CPT1A: variants seen among roughly 807,000 people sequenced by gnomAD.
CPT1A encodes the protein carnitine O-palmitoyltransferase 1, liver isoform.
CPT1A carries 64 observed loss-of-function variants against 100.8 expected under a neutral mutation model. The ratio of observed to expected loss-of-function variants is 0.63; its 90% CI spans 0.52 to 0.78. The LOEUF is 0.78. Ranked by LOEUF, CPT1A falls within the 30% of genes least tolerant of loss-of-function variation. CPT1A has a pLI of 0.00. For missense variants in CPT1A, 802 were observed against 1,034.1 expected, an observed-to-expected ratio of 0.78 and a Z score of 3.08; for synonymous variants, 363 against 396.0, an observed-to-expected ratio of 0.92 and a Z score of 0.99.
At chr11:68,768,698 G>A (rs138932390) in intron 14 of CPT1A, among the ~76,000 whole-genome samples, 66 of 152,190 alleles carry the variant, frequency 4.3e-4, no homozygotes, top group African/African-American at 1.1e-3. Flanking sequence ...GAGCCACTGC[G>A]CCTGGCCAGA....
chr11:68,837,624 A>G (rs1328771597), intron 1 of CPT1A, among the ~76,000 whole-genome samples: 6 of 152,116 alleles, frequency 3.9e-5, no homozygotes, highest in Non-Finnish European at 8.8e-5. Flanking sequence ...TTCCCATAAC[A>G]CAAACAGGAA....
At chr11:68,785,303 G>A (rs761900747) in intron 9 of CPT1A, among the ~76,000 whole-genome samples, 1 of 152,020 alleles carries the variant, frequency 6.6e-6, no homozygotes, top group Non-Finnish European at 1.5e-5. Context: ...GGTGGCTCAC[G>A]CCTGTAATCC....
chr11:68,760,912 T>C (rs1195167612), intron 16 of CPT1A, among the ~76,000 whole-genome samples: 1 of 151,740 alleles, frequency 6.6e-6, no homozygotes, highest in African/African-American at 2.4e-5. Context: ...TCCCAGCTAC[T>C]TGGGAGGCTG....
chr11:68,782,480 T>C (rs1181353356), intron 10 of CPT1A, among the ~76,000 whole-genome samples: 1 of 152,212 alleles, frequency 6.6e-6, no homozygotes, highest in Non-Finnish European at 1.5e-5. Context: ...TCACAGCTAT[T>C]TTGAGGCAGA....
chr11:68,760,491 G>C (rs1278050406), intron 16 of CPT1A, among the ~76,000 whole-genome samples, 153 bp from the exon 17 acceptor site: 1 of 146,964 alleles, frequency 6.8e-6, no homozygotes, highest in Non-Finnish European at 1.5e-5. Context: ...CTTGGGCAGC[G>C]TATCTGCAGA....
intron 14 of CPT1A, among the ~76,000 whole-genome samples, chr11:68,771,186 C>A (rs1202489987): frequency 6.6e-6 from 1 of 152,176 alleles, no homozygotes; most frequent in Non-Finnish European, 1.5e-5. Context: ...GGTCCCTGGA[C>A]CAGAGGCCTT....
Position 68,784,761 on chromosome 11 carries a change from G to C in CPT1A, c.1163+54C>G, listed in dbSNP as rs931905401. The C allele has an allele frequency of 1.6e-5, 24 of 1,546,172 alleles. No individual in the cohort carries two copies. In the African/African-American group the frequency reaches 2.8e-4, roughly 18 times the overall value. ...CCCTGGTGGGGATGGGCCCCAGTGA[G>C]GAAGAGCGCCTCCACCACCCCCCAA... On this transcript the variant is annotated intron_variant, in intron 10 of 18. Transcript: ENST00000265641.
chr11:68,841,742 C>T lies in CPT1A; in HGVS notation c.-14+33G>A, dbSNP rs1298303971. 1 of 966,798 alleles carries T rather than the reference C, an allele frequency of 1.0e-6. No individual in the cohort carries two copies. Among genetic ancestry groups the T allele is most frequent in the South Asian group, 4.6e-5 (1 of 21,760 alleles). The allele number at this position is 966,798 out of a possible 1,614,324, so 59.9% of individuals were successfully genotyped here. A position where few individuals can be genotyped will look rare whatever the true frequency, so the allele number is the denominator to read the frequency against. On this transcript the variant is annotated intron_variant, in intron 1 of 18. Transcript: ENST00000265641. The surrounding 1 kb of genome is among the most constrained non-coding windows in gnomAD (Gnocchi z 6.3). ...CCCCGCAGCCCGCAGGGCCGCCCCG[C>T]CACCCTCCCCACCGCGGGCGACCGG...
chr11:68,833,441 G>A (rs75875278), intron 1 of CPT1A, among the ~76,000 whole-genome samples: 1,757 of 152,358 alleles, frequency 0.012, 18 homozygotes, highest in Middle Eastern at 0.027. Flanking sequence ...CAGTAAATGT[G>A]TATACACACA....
chr11:68,789,460 G>A (rs1419774428), intron 9 of CPT1A, among the ~76,000 whole-genome samples: 3 of 151,726 alleles, frequency 2.0e-5, no homozygotes, highest in African/African-American at 2.4e-5. Flanking sequence ...GCAGTGGTGC[G>A]ATCTCAGCTT....
At chr11:68,824,700 G>T (rs1413169435) in intron 1 of CPT1A, among the ~76,000 whole-genome samples, 1 of 151,982 alleles carries the variant, frequency 6.6e-6, no homozygotes, top group Non-Finnish European at 1.5e-5. Context: ...TGAGACCGTG[G>T]GTGTGAGCCA....
chr11:68,787,809 T>TG (rs1189236518), intron 9 of CPT1A, among the ~76,000 whole-genome samples: 2 of 151,968 alleles, frequency 1.3e-5, no homozygotes, highest in African/African-American at 4.8e-5. Flanking sequence ...CCAGGCGTGG[T>TG]GGCGGACACC....
At chr11:68,779,756 A>C (rs962829986) in intron 12 of CPT1A, among the ~76,000 whole-genome samples, 2 of 148,294 alleles carry the variant, frequency 1.3e-5, no homozygotes, top group Non-Finnish European at 3.0e-5. Context: ...TGATTGTGCC[A>C]CTGCACTCCA....
chr11:68,781,212 C>T (rs558690625), intron 11 of CPT1A, among the ~76,000 whole-genome samples: 1 of 152,354 alleles, frequency 6.6e-6, no homozygotes, highest in African/African-American at 2.4e-5. Flanking sequence ...AGGGACCTGG[C>T]AGCCCTGCAT....
At chr11:68,785,052 A>G in intron 9 of CPT1A, 42 bp from the exon 10 acceptor site, 2 of 1,592,318 alleles carry the variant, frequency 1.3e-6, no homozygotes, top group Non-Finnish European at 1.7e-6. Context: ...CAAGAGTCCC[A>G]AGTTCAGCAC....
chr11:68,819,674 C>T lies in CPT1A; in HGVS notation c.-13-4187G>A, dbSNP rs188444494. Among the ~76,000 whole-genome samples the T allele has an allele frequency of 3.3e-5, 5 of 152,316 alleles. No individual in the cohort carries two copies. In the East Asian group the frequency reaches 9.6e-4, roughly 29 times the overall value. ...GTCAGACTGGAGGTAATTATAGTGT[C>T]CTTTCTAGGAGTGAAACGCCCTCGC... On this transcript the variant is annotated intron_variant, in intron 1 of 18. Coordinates refer to ENST00000265641, the MANE Select transcript of CPT1A (RefSeq NM_001876.4).
chr11:68,815,211 C>T (rs1856350261), intron 2 of CPT1A, 123 bp downstream of exon 2: 4 of 991,846 alleles, frequency 4.0e-6, no homozygotes, highest in Middle Eastern at 3.1e-4. Context: ...CCTTAAGTAC[C>T]ATGGAAACAG....
intron 1 of CPT1A, among the ~76,000 whole-genome samples, chr11:68,826,441 CAA>C (rs1225143166): frequency 2.4e-5 from 3 of 125,562 alleles, no homozygotes; most frequent in Admixed American, 8.5e-5. Flanking sequence ...GACTCCGTCT[CAA>C]AAAAAAAAAG....
intron 14 of CPT1A, among the ~76,000 whole-genome samples, 192 bp from the exon 15 acceptor site, chr11:68,762,953 G>C (rs1854672843): frequency 6.6e-6 from 1 of 152,178 alleles, no homozygotes; most frequent in African/African-American, 2.4e-5. Context: ...ACCTCCCCCT[G>C]CTCCGGTGAT....
Sources: gnomAD v4.1 joint callset for allele counts (sites outside exome capture counted in the v4.1 genomes callset) on GRCh38, gnomAD v4.1.1 for gene constraint, Gnocchi (gnomAD v3.1) non-coding constraint, MANE v1.5 for transcripts, NCBI Gene and HGNC (gene_info 2026-07-23, HGNC 2026-07-21) for gene names.